DSCAML1: variants seen among roughly 807,000 people sequenced by gnomAD.
DSCAML1 encodes DS cell adhesion molecule like 1.
Under a neutral mutation model 200.5 loss-of-function variants are expected in DSCAML1, and 38 were observed. The ratio of observed to expected loss-of-function variants is 0.19; its 90% CI spans 0.15 to 0.25. The LOEUF is 0.25. Among genes scored for constraint, DSCAML1 ranks in the 10% least tolerant of loss-of-function variants. The pLI, the probability that DSCAML1 is intolerant of heterozygous loss-of-function variation, is 1.00. For synonymous variants in DSCAML1, 1,215 were observed against 1,165.0 expected (o/e 1.04, Z -0.87); for missense variants, 2,223 against 2,858.8 (o/e 0.78, Z 5.07).
At chr11:117,594,212 A>G (rs940534204) in intron 3 of DSCAML1, among the ~76,000 whole-genome samples, 3 of 152,146 alleles carry the variant, frequency 2.0e-5, no homozygotes, top group African/African-American at 4.8e-5. Context: ...CATTTCAGAG[A>G]GAGTTTATCC....
At chr11:117,797,605 C>T (rs2055608851), upstream of DSCAML1, among the ~76,000 whole-genome samples, 1 of 151,382 alleles carries the variant, frequency 6.6e-6, no homozygotes, top group South Asian at 2.1e-4. Flanking sequence ...CCCACCCTCC[C>T]CAGGAGGAGC....
chr11:117,516,506 G>A lies in DSCAML1; in HGVS notation c.1744C>T (p.Gln582Ter), dbSNP rs2049770671. ...TGAACGCTCTGGCTGATGGAGAGCTGGGGCTGGATGAGGACACTGCACAGG... is the reference window on the plus strand; with the variant it reads ...TGAACGCTCTGGCTGATGGAGAGCTAGGGCTGGATGAGGACACTGCACAGG... The part of the protein sequence containing the change: ...EYLCSVLIQP[Q>*]LSISQSVHVA... The change falls in exon 8 of 33, where the codon CAG becomes TAG. Residue 582 changes from glutamine to a stop codon, truncating the protein, a stop_gained. Coordinates refer to ENST00000651296, the MANE Select transcript of DSCAML1 (RefSeq NM_020693.4). LOFTEE classifies it high-confidence loss of function. The surrounding 1 kb of genome is among the most constrained non-coding windows in gnomAD (Gnocchi z 5.7). 1 of 1,613,820 alleles carries A rather than the reference G, an allele frequency of 6.2e-7. No homozygotes were observed. The highest frequency in any genetic ancestry group is 8.5e-7 in the Non-Finnish European group (1 of 1,180,012).
chr11:117,673,861 A>G (rs2053159251), intron 3 of DSCAML1, among the ~76,000 whole-genome samples: 1 of 152,204 alleles, frequency 6.6e-6, no homozygotes, highest in African/African-American at 2.4e-5. Context: ...CCAACCTTTT[A>G]GGCTGCCCTG....
upstream of DSCAML1, among the ~76,000 whole-genome samples, chr11:117,800,030 C>T (rs657385): frequency 0.98 from 149,870 of 152,328 alleles, 73,780 homozygotes; most frequent in Middle Eastern, 1. Context: ...AAGGTGCACA[C>T]TGAGGCGGAA....
intron 3 of DSCAML1, among the ~76,000 whole-genome samples, chr11:117,722,306 TAAAA>T (rs34365570): frequency 1.8e-5 from 2 of 114,246 alleles, no homozygotes; most frequent in Admixed American, 9.1e-5. Flanking sequence ...ATGGGGGAGC[TAAAA>T]AAAAAAAAAA....
chr11:117,696,800 G>A (rs774647203), intron 3 of DSCAML1, among the ~76,000 whole-genome samples: 29 of 152,178 alleles, frequency 1.9e-4, no homozygotes, highest in Non-Finnish European at 3.4e-4. Flanking sequence ...ACAACCACGA[G>A]CTTAGTGCTC....
At chr11:117,548,419 G>T (rs1385081141) in intron 3 of DSCAML1, among the ~76,000 whole-genome samples, 1 of 152,172 alleles carries the variant, frequency 6.6e-6, no homozygotes, top group Non-Finnish European at 1.5e-5. Flanking sequence ...CCTTCCCATA[G>T]GGGTACACCC....
chr11:117,457,133 G>A lies in DSCAML1; in HGVS notation c.3568+1621C>T, dbSNP rs182343974. Among the ~76,000 whole-genome samples, 486 of 151,824 alleles carry A rather than the reference G, an allele frequency of 3.2e-3. 1 individual carries two copies. Among genetic ancestry groups the A allele is most frequent in the Non-Finnish European group, 5.7e-3 (389 of 68,024 alleles). Reference sequence around the variant, plus strand: ...CAGGAAGGCTAAGTGACTTCCCCATGAATGCCAGGCTGGGGGCATGCACTT... The same window carrying A: ...CAGGAAGGCTAAGTGACTTCCCCATAAATGCCAGGCTGGGGGCATGCACTT... On this transcript the variant is annotated intron_variant, in intron 19 of 32. Coordinates refer to ENST00000651296, the MANE Select transcript of DSCAML1 (RefSeq NM_020693.4).
intron 11 of DSCAML1, among the ~76,000 whole-genome samples, chr11:117,501,226 A>G (rs2049387026): frequency 6.6e-6 from 1 of 152,168 alleles, no homozygotes; most frequent in African/African-American, 2.4e-5. Context: ...GAGGCTGTGC[A>G]GGGCAGTAGC....
chr11:117,780,697 TG>T lies in DSCAML1; in HGVS notation c.159del (p.Ser54AlafsTer165). 1 of 1,585,152 alleles carries T rather than the reference TG, an allele frequency of 6.3e-7. No homozygotes were observed. The highest frequency in any genetic ancestry group is 8.6e-7 in the Non-Finnish European group (1 of 1,164,454). ...VVVPCPAAGSPSAALRWYLAT... is the reference protein window; with the variant it reads ...VVVPCPAAGSXSAALRWYLAT... The stretch of plus-strand genomic sequence containing the variant: ...GCCAGGTACCATCGAAGGGCCGCGC[TG>T]GGGGAGCCCGCGGCCGGGCAGGGCA... On this transcript the variant is annotated frameshift_variant, in exon 2 of 33. Coordinates refer to ENST00000651296, the MANE Select transcript of DSCAML1 (RefSeq NM_020693.4). LOFTEE classifies it high-confidence loss of function. The surrounding 1 kb of genome is among the most constrained non-coding windows in gnomAD (Gnocchi z 4.8).
At chr11:117,668,953 G>A (rs990806027) in intron 3 of DSCAML1, 1 of 152,158 alleles carries the variant, frequency 6.6e-6, no homozygotes, top group Non-Finnish European at 1.5e-5. Flanking sequence ...GGTGGCAGTA[G>A]TGGGGGAAAC....
rs1171190817 is a variant in DSCAML1, at chr11:117,642,665, A to C, written c.512-110143T>G. ...CATAGTTGCAGTGGCCCAGAGTGGGATCTGTGGCTCCTGGCTGCTTCTTGG... is the reference window on the plus strand; with the variant it reads ...CATAGTTGCAGTGGCCCAGAGTGGGCTCTGTGGCTCCTGGCTGCTTCTTGG... On this transcript the variant is annotated intron_variant, in intron 3 of 32. Transcript: ENST00000651296. This position sits in a 1 kb window ranked among gnomAD's most constrained non-coding sequence, Gnocchi z 4.1. Among the ~76,000 whole-genome samples, 1 of 152,150 alleles carries C rather than the reference A, an allele frequency of 6.6e-6. No homozygotes were observed. Among genetic ancestry groups the C allele is most frequent in the Non-Finnish European group, 1.5e-5 (1 of 68,024 alleles).
intron 3 of DSCAML1, among the ~76,000 whole-genome samples, chr11:117,621,714 T>G (rs1045075851): frequency 6.6e-6 from 1 of 152,210 alleles, no homozygotes; most frequent in Non-Finnish European, 1.5e-5. Context: ...CTGTGCTGTT[T>G]TATGCAAGTT....
At chr11:117,773,769 AT>A (rs2098905834) in intron 3 of DSCAML1, among the ~76,000 whole-genome samples, 2 of 152,116 alleles carry the variant, frequency 1.3e-5, no homozygotes, top group African/African-American at 4.8e-5. Flanking sequence ...TGCTAGTTGG[AT>A]TTCTGCACTT....
intron 3 of DSCAML1, among the ~76,000 whole-genome samples, chr11:117,640,454 G>A (rs953206134): frequency 7.9e-5 from 12 of 152,272 alleles, no homozygotes; most frequent in East Asian, 1.9e-4. Context: ...CTTGTGCTAC[G>A]TCATACAGAG....
chr11:117,518,061 C>T lies in DSCAML1; in HGVS notation c.1510+405G>A, dbSNP rs1474821763. Among the ~76,000 whole-genome samples, 1 of 152,194 alleles carries T rather than the reference C, an allele frequency of 6.6e-6. No individual in the cohort carries two copies. The highest frequency in any genetic ancestry group is 1.5e-5 in the Non-Finnish European group (1 of 68,032). ...TGGGCAACCATGTTAAAGACCAAGC[C>T]TGGTCCCCAGCCCCTGCACTGTCTT... On this transcript the variant is annotated intron_variant, in intron 7 of 32. Transcript: ENST00000651296. The surrounding 1 kb of genome is among the most constrained non-coding windows in gnomAD (Gnocchi z 6.3).
intron 3 of DSCAML1, among the ~76,000 whole-genome samples, chr11:117,721,045 A>G (rs2137795226): frequency 6.6e-6 from 1 of 152,322 alleles, no homozygotes; most frequent in African/African-American, 2.4e-5. Flanking sequence ...CATTGTACAG[A>G]TGAGAAAACC....
In DSCAML1 at chr11:117,776,787, T is replaced by C; in HGVS notation, c.511+4A>G. On this transcript the variant is annotated splice_donor_region_variant and intron_variant, in intron 3 of 32. Transcript: ENST00000651296. ...GTCTGCCGCAGCCCCGGGACGCTTC[T>C]TACCTGGGATGATGGAGACTGTGTC... 6.2e-7 allele frequency: 1 copy of C among 1,614,080 alleles called. No homozygotes were observed. Among genetic ancestry groups the C allele is most frequent in the Non-Finnish European group, 8.5e-7 (1 of 1,179,990 alleles).
intron 4 of DSCAML1, among the ~76,000 whole-genome samples, chr11:117,529,035 GT>G (rs1297210052): frequency 6.7e-6 from 1 of 150,124 alleles, no homozygotes. Flanking sequence ...AGCTTCCTGT[GT>G]CAGGCACTAG....
Sources: gnomAD v4.1 joint callset for allele counts (sites outside exome capture counted in the v4.1 genomes callset) on GRCh38, gnomAD v4.1.1 for gene constraint, Gnocchi (gnomAD v3.1) non-coding constraint, MANE v1.5 for transcripts, NCBI Gene and HGNC (gene_info 2026-07-23, HGNC 2026-07-21) for gene names.